The following SLC16A1 variants were observed in gnomAD, a reference collection of about 807,000 sequenced individuals.
SLC16A1 encodes the protein solute carrier family 16 member 1.
Under a neutral mutation model 32.2 loss-of-function variants are expected in SLC16A1, and 11 were observed. That is an observed-to-expected ratio of 0.34 (90% CI 0.21 to 0.56). SLC16A1 has a LOEUF of 0.56. Among genes scored for constraint, SLC16A1 ranks in the 20% least tolerant of loss-of-function variants. The probability of loss-of-function intolerance (pLI) is 0.87; values close to 1 mark genes in which losing one functional copy is unlikely to be tolerated. For synonymous variants in SLC16A1, 231 were observed against 226.8 expected, an observed-to-expected ratio of 1.02 and a Z score of -0.17; for missense variants, 435 against 615.0, an observed-to-expected ratio of 0.71 and a Z score of 3.10.
intron 2 of SLC16A1, among the ~76,000 whole-genome samples, chr1:112,926,564 A>C (rs1648947636): frequency 6.6e-6 from 1 of 151,834 alleles, no homozygotes; most frequent in Admixed American, 6.6e-5. Context: ...AAGACTTTGT[A>C]CAGTTAGAAT....
intron 3 of SLC16A1, among the ~76,000 whole-genome samples, chr1:112,919,469 G>C (rs1038494989): frequency 2.6e-5 from 4 of 151,932 alleles, no homozygotes; most frequent in African/African-American, 7.3e-5. Flanking sequence ...AGAGGAAAAA[G>C]TGGGACCAAC....
At chr1:112,932,090 C>T (rs1465666148) in intron 1 of SLC16A1, among the ~76,000 whole-genome samples, 2 of 152,192 alleles carry the variant, frequency 1.3e-5, no homozygotes, top group Non-Finnish European at 2.9e-5. Flanking sequence ...GGACACTGGA[C>T]ATTGCGGGAG....
At chr1:112,915,348 G>C (rs1333707803) in intron 4 of SLC16A1, among the ~76,000 whole-genome samples, 1 of 152,174 alleles carries the variant, frequency 6.6e-6, no homozygotes, top group Non-Finnish European at 1.5e-5. Context: ...GCAGAGAACT[G>C]TAGTGCAAAG....
intron 2 of SLC16A1, 47 bp from the exon 3 acceptor site, chr1:112,922,180 C>T (rs1169564061): frequency 6.4e-7 from 1 of 1,555,520 alleles, no homozygotes; most frequent in Non-Finnish European, 8.8e-7. Context: ...ACTGCTCCCT[C>T]ACATCTACAC....
rs540948347 is a variant in SLC16A1, at chr1:112,918,708, C to G, written c.362-664G>C. 3.9e-5 allele frequency among the ~76,000 whole-genome samples: 6 copies of G among 152,256 alleles called. No homozygotes were observed. The East Asian group carries it at 9.7e-4, about 25-fold the overall frequency. ...GTCCTAGCTACTTGGGCGGCTAAAG[C>G]TGGAGTATCACTTGAGCCTAGAAGT... On this transcript the variant is annotated intron_variant, in intron 3 of 4. Transcript: ENST00000369626.
intron 2 of SLC16A1, chr1:112,923,728 C>T: frequency 2.0e-6 from 3 of 1,534,750 alleles, no homozygotes; most frequent in Admixed American, 1.7e-5. Flanking sequence ...ACACTGAGTG[C>T]CTGCCACCAG....
intron 3 of SLC16A1, among the ~76,000 whole-genome samples, chr1:112,920,947 C>T (rs1219094766): frequency 6.6e-6 from 1 of 151,858 alleles, no homozygotes; most frequent in Non-Finnish European, 1.5e-5. Context: ...ACTATACTGA[C>T]TAATGCGATG....
chr1:112,928,748 A>T (rs1418162910), intron 2 of SLC16A1, among the ~76,000 whole-genome samples: 1 of 152,122 alleles, frequency 6.6e-6, no homozygotes, highest in Non-Finnish European at 1.5e-5. Context: ...AAAAATCTAT[A>T]TTTATGTTTA....
At chr1:112,933,933 T>C (rs1330516674) in intron 1 of SLC16A1, among the ~76,000 whole-genome samples, 1 of 152,096 alleles carries the variant, frequency 6.6e-6, no homozygotes, top group East Asian at 1.9e-4. Flanking sequence ...AGCCAAAAAC[T>C]GAAAACAACC....
chr1:112,931,022 A>T (rs975151988), intron 1 of SLC16A1, among the ~76,000 whole-genome samples: 5 of 152,176 alleles, frequency 3.3e-5, no homozygotes, highest in Non-Finnish European at 7.4e-5. Context: ...CCCAGCCCCA[A>T]TGCTACAGGT....
rs10627911 is a variant in SLC16A1, at chr1:112,929,007, C to CTTTT, written c.217+81_217+84dup. On this transcript the variant is annotated intron_variant, in intron 2 of 4. Transcript: ENST00000369626. ...TTTCAAAACATCTCACTGAATAAGA[C>CTTTT]TTTTTTTTTTTTTTAAAGTTACCTA... The CTTTT allele has an allele frequency of 3.7e-4, 296 of 807,630 alleles. 3 individuals carry two copies. The African/African-American group carries it at 4.2e-3, about 11-fold the overall frequency. 50.0% of individuals were successfully genotyped at this position (807,630 alleles called of 1,614,324 possible). A position where few individuals can be genotyped will look rare whatever the true frequency, so the allele number is the denominator to read the frequency against.
chr1:112,931,993 A>G (rs749279278), intron 1 of SLC16A1, among the ~76,000 whole-genome samples: 26 of 152,216 alleles, frequency 1.7e-4, no homozygotes, highest in Non-Finnish European at 3.7e-4. Context: ...TCTTTAGTCT[A>G]TAACACAAAC....
At chr1:112,932,327 A>C (rs1254078872) in intron 1 of SLC16A1, among the ~76,000 whole-genome samples, 2 of 152,148 alleles carry the variant, frequency 1.3e-5, no homozygotes, top group African/African-American at 4.8e-5. Context: ...TTGAGGACAA[A>C]AATTCAAGAA....
chr1:112,930,624 ACAT>A (rs1649094570), intron 1 of SLC16A1, among the ~76,000 whole-genome samples: 1 of 152,340 alleles, frequency 6.6e-6, no homozygotes, highest in Admixed American at 6.5e-5. Flanking sequence ...AAATCAGTTA[ACAT>A]CATAATTCCT....
chr1:112,935,258 T>C (rs922559151), intron 1 of SLC16A1, among the ~76,000 whole-genome samples: 11 of 151,478 alleles, frequency 7.3e-5, no homozygotes, highest in Non-Finnish European at 1.5e-4. Flanking sequence ...CTACTAAAAA[T>C]ACAAAAATTA....
At chr1:112,916,696 G>A (rs1648523596) in intron 4 of SLC16A1, among the ~76,000 whole-genome samples, 1 of 152,070 alleles carries the variant, frequency 6.6e-6, no homozygotes, top group Non-Finnish European at 1.5e-5. Context: ...TTGGGAGGCT[G>A]AGACAAGTGG....
intron 1 of SLC16A1, among the ~76,000 whole-genome samples, chr1:112,953,259 T>C (rs1253986453): frequency 6.6e-6 from 1 of 151,196 alleles, no homozygotes; most frequent in Non-Finnish European, 1.5e-5. Flanking sequence ...CCTCCTGGGT[T>C]CAAGCTGTTC....
chr1:112,942,504 G>A (rs189321455), intron 1 of SLC16A1, among the ~76,000 whole-genome samples: 13 of 152,302 alleles, frequency 8.5e-5, no homozygotes, highest in African/African-American at 2.9e-4. Context: ...GGCTTGTTAG[G>A]TGAAATGGGT....
At chr1:112,943,344 G>A (rs1258362779) in intron 1 of SLC16A1, among the ~76,000 whole-genome samples, 4 of 150,942 alleles carry the variant, frequency 2.7e-5, no homozygotes, top group Non-Finnish European at 5.9e-5. Context: ...GAAGGCGGAG[G>A]CTGCAGTGAG....
Sources: gnomAD v4.1 joint callset for allele counts (sites outside exome capture counted in the v4.1 genomes callset) on GRCh38, gnomAD v4.1.1 for gene constraint, MANE v1.5 for transcripts, NCBI Gene and HGNC (gene_info 2026-07-23, HGNC 2026-07-21) for gene names.